Variants in PKHD1 observed in about 807,000 individuals in gnomAD.
The protein encoded by PKHD1 is PKHD1 ciliary IPT domain containing fibrocystin/polyductin.
A neutral mutation model predicts 412.0 loss-of-function variants in PKHD1; 291 were observed. That is an observed-to-expected ratio of 0.71 (90% CI 0.64 to 0.78). The LOEUF is 0.78. Ranked by LOEUF, PKHD1 falls within the 30% of genes least tolerant of loss-of-function variation. The pLI is 0.00. For synonymous variants in PKHD1, 1,777 were observed against 1,821.5 expected, an observed-to-expected ratio of 0.98 and a Z score of 0.62; for missense variants, 4,825 against 4,950.7, an observed-to-expected ratio of 0.97 and a Z score of 0.76.
chr6:51,791,417 G>T (rs373208636), intron 52 of PKHD1, 44 bp from the exon 53 acceptor site: 11 of 1,595,386 alleles, frequency 6.9e-6, no homozygotes, highest in East Asian at 2.2e-5. Flanking sequence ...ACAAAAACAA[G>T]AATTACGTGT....
At chr6:51,920,418 T>C (rs1784511370) in intron 37 of PKHD1, among the ~76,000 whole-genome samples, 1 of 152,252 alleles carries the variant, frequency 6.6e-6, no homozygotes, top group Non-Finnish European at 1.5e-5. Context: ...GTTTATATGC[T>C]GGATTACATT....
At chr6:51,861,551 AG>A (rs1304107222) in intron 48 of PKHD1, among the ~76,000 whole-genome samples, 1 of 152,240 alleles carries the variant, frequency 6.6e-6, no homozygotes, top group Non-Finnish European at 1.5e-5. Context: ...TACTGCACAA[AG>A]GGGAAGAAAA....
chr6:52,041,916 C>T (rs1804945475), intron 27 of PKHD1, among the ~76,000 whole-genome samples: 1 of 152,124 alleles, frequency 6.6e-6, no homozygotes, highest in African/African-American at 2.4e-5. Flanking sequence ...CACCTGTTTG[C>T]CTTAAGGTGG....
At chr6:51,821,869 T>C (rs79015122) in intron 52 of PKHD1, among the ~76,000 whole-genome samples, 1,654 of 152,260 alleles carry the variant, frequency 0.011, 18 homozygotes, top group East Asian at 0.062. Flanking sequence ...GTATTTTTAG[T>C]AGAGACAGGG....
At chr6:51,686,127 C>G (rs1777407064) in intron 60 of PKHD1, among the ~76,000 whole-genome samples, 1 of 152,092 alleles carries the variant, frequency 6.6e-6, no homozygotes, top group African/African-American at 2.4e-5. Context: ...GGATGGCATG[C>G]TTGGATGACA....
chr6:52,087,237 T>TCTCTC (rs1309792091), intron 1 of PKHD1, among the ~76,000 whole-genome samples, 197 bp downstream of exon 1: 3 of 152,152 alleles, frequency 2.0e-5, no homozygotes. Context: ...CTCCTCTCTC[T>TCTCTC]CTCTCCTCTC....
At chr6:52,008,461 C>A (rs898785182) in intron 35 of PKHD1, among the ~76,000 whole-genome samples, 1 of 151,912 alleles carries the variant, frequency 6.6e-6, no homozygotes, top group African/African-American at 2.4e-5. Flanking sequence ...TGGTAGAGAA[C>A]CTTGAACATG....
At chr6:51,734,614 G>T (rs1281649504) in intron 60 of PKHD1, among the ~76,000 whole-genome samples, 1 of 151,988 alleles carries the variant, frequency 6.6e-6, no homozygotes, top group Non-Finnish European at 1.5e-5. Flanking sequence ...GTGAAGGAGA[G>T]TCACAAAGGT....
At chr6:51,847,736 C>A (rs369406560) in intron 50 of PKHD1, 39 bp downstream of exon 50, 24 of 1,383,546 alleles carry the variant, frequency 1.7e-5, no homozygotes, top group Non-Finnish European at 2.5e-5. Context: ...TGATTTCTGA[C>A]TATGTGCTCT....
chr6:51,721,002 G>A (rs1781860879), intron 60 of PKHD1: 2 of 983,550 alleles, frequency 2.0e-6, no homozygotes, highest in South Asian at 9.4e-5. Context: ...TTTTAGGATA[G>A]AAAGGAAATG....
intron 52 of PKHD1, among the ~76,000 whole-genome samples, chr6:51,826,028 T>C (rs1386934159): frequency 1.3e-5 from 2 of 152,174 alleles, no homozygotes; most frequent in Non-Finnish European, 2.9e-5. Context: ...CTGAATTACA[T>C]ATAATCTCAG....
intron 35 of PKHD1, among the ~76,000 whole-genome samples, chr6:51,963,633 AT>A (rs1389042918): frequency 6.6e-6 from 1 of 151,996 alleles, no homozygotes; most frequent in Non-Finnish European, 1.5e-5. Context: ...TGGTGCTATC[AT>A]TCCCTCCCAG....
At chr6:51,910,416 G>T (rs2127657023) in intron 39 of PKHD1, among the ~76,000 whole-genome samples, 1 of 152,216 alleles carries the variant, frequency 6.6e-6, no homozygotes, top group Middle Eastern at 3.4e-3. Flanking sequence ...ATATTTGTAT[G>T]CCTTATCACA....
intron 14 of PKHD1, 53 bp downstream of exon 14, chr6:52,062,466 C>T: frequency 6.3e-7 from 1 of 1,593,094 alleles, no homozygotes; most frequent in South Asian, 1.1e-5. Context: ...CTAGCCTCAC[C>T]TAGGTTAGCA....
chr6:51,847,959 G>C lies in PKHD1; in HGVS notation c.7923C>G (p.Thr2641=). The change falls in exon 50 of 67, where the codon ACC becomes ACG. Residue 2641 remains threonine, a synonymous_variant. Coordinates refer to ENST00000371117, the MANE Select transcript of PKHD1 (RefSeq NM_138694.4). The part of the protein sequence containing the change: ...WINRSLQYSA[T]FDNFAPGNYL... ...AATTACCAGGAGCAAAGTTGTCAAAGGTTGCTGAGTACTTGAAGTGAAAGA... is the reference window on the plus strand; with the variant it reads ...AATTACCAGGAGCAAAGTTGTCAAACGTTGCTGAGTACTTGAAGTGAAAGA... 1 of 1,612,884 alleles carries C rather than the reference G, an allele frequency of 6.2e-7. No homozygotes were observed. The highest frequency in any genetic ancestry group is 8.5e-7 in the Non-Finnish European group (1 of 1,178,912).
At chr6:51,778,360 C>T (rs1227750544) in intron 53 of PKHD1, among the ~76,000 whole-genome samples, 1 of 152,096 alleles carries the variant, frequency 6.6e-6, no homozygotes, top group African/African-American at 2.4e-5. Context: ...TTTTCACATG[C>T]ACAATTTAAT....
intron 36 of PKHD1, among the ~76,000 whole-genome samples, chr6:51,940,540 C>T (rs1021639012): frequency 6.6e-6 from 1 of 151,738 alleles, no homozygotes; most frequent in Non-Finnish European, 1.5e-5. Flanking sequence ...TGTGGGACCC[C>T]ACTGAAAATC....
intron 60 of PKHD1, among the ~76,000 whole-genome samples, chr6:51,689,002 C>T (rs948836992): frequency 2.0e-5 from 3 of 152,022 alleles, no homozygotes; most frequent in South Asian, 2.1e-4. Context: ...TCTATAAGGC[C>T]GGCATCATCC....
rs1459451767 is a variant in PKHD1 at position 51,617,760 on chromosome 6, G to A, written c.*1321C>T. On this transcript the variant is annotated 3_prime_UTR_variant, in exon 67 of 67. Coordinates refer to ENST00000371117, the MANE Select transcript of PKHD1 (RefSeq NM_138694.4). ...CTGCAGACATAACAGCTGTCTGCCA[G>A]TACTTCTCATAGAACTAATTCAGGG... 6.6e-6 allele frequency: 1 copy of A among 152,194 alleles called. No individual in the cohort carries two copies. Among genetic ancestry groups the A allele is most frequent in the Admixed American group, 6.5e-5 (1 of 15,272 alleles). The allele number at this position is 152,194 out of a possible 1,614,324, so 9.4% of individuals were successfully genotyped here.
Sources: allele counts gnomAD v4.1 joint callset (sites outside exome capture counted in the v4.1 genomes callset), GRCh38; gene constraint gnomAD v4.1.1; transcripts MANE v1.5; gene names NCBI Gene and HGNC (gene_info 2026-07-23, HGNC 2026-07-21).